ATF7IP: variants seen among roughly 807,000 people sequenced by gnomAD.
The protein encoded by ATF7IP is activating transcription factor 7-interacting protein 1.
ATF7IP carries 23 observed loss-of-function variants against 106.4 expected under a neutral mutation model. The ratio of observed to expected loss-of-function variants is 0.22; its 90% CI spans 0.16 to 0.31. The LOEUF (loss-of-function observed/expected upper bound fraction) is 0.31, where lower values mean the gene tolerates loss of function less well. Among genes scored for constraint, ATF7IP ranks in the 10% least tolerant of loss-of-function variants. ATF7IP has a pLI of 1.00. For missense variants in ATF7IP, 1,334 were observed against 1,524.3 expected (o/e 0.88, Z 2.08); for synonymous variants, 542 against 539.0 (o/e 1.01, Z -0.08).
chr12:14,381,492 G>A (rs11055956), intron 1 of ATF7IP, among the ~76,000 whole-genome samples: 82,329 of 151,982 alleles, frequency 0.54, 22,739 homozygotes, highest in African/African-American at 0.65. Context: ...TGGCCTCCCA[G>A]AGTGTAGGGA....
chr12:14,421,605 C>T (rs924482001), intron 1 of ATF7IP, among the ~76,000 whole-genome samples: 3 of 152,194 alleles, frequency 2.0e-5, no homozygotes, highest in Admixed American at 2.0e-4. Flanking sequence ...GATTAGGGCT[C>T]ACTTTAGTAC....
At chr12:14,463,679 A>G (rs1943722188) in intron 9 of ATF7IP, among the ~76,000 whole-genome samples, 1 of 152,210 alleles carries the variant, frequency 6.6e-6, no homozygotes, top group Admixed American at 6.5e-5. Context: ...CCCTGGTTAC[A>G]GTATGGAGAA....
At chr12:14,383,842 G>T (rs779347735) in intron 1 of ATF7IP, among the ~76,000 whole-genome samples, 2 of 152,190 alleles carry the variant, frequency 1.3e-5, no homozygotes, top group African/African-American at 2.4e-5. Context: ...GATTATAGGT[G>T]TGAAGCACTG....
chr12:14,497,738 C>T lies in ATF7IP; in HGVS notation c.3478C>T (p.Leu1160=), dbSNP rs750395277. 1 of 1,614,174 alleles carries T rather than the reference C, an allele frequency of 6.2e-7. No homozygotes were observed. Among genetic ancestry groups the T allele is most frequent in the Non-Finnish European group, 8.5e-7 (1 of 1,180,036 alleles). Reference sequence around the variant, plus strand: ...GCCCCCAGAAGCTGCCAGCACATCTCTGCCTCAGAAGCCACACTTGAAGTT... The same window carrying T: ...GCCCCCAGAAGCTGCCAGCACATCTTTGCCTCAGAAGCCACACTTGAAGTT... ...RLPPEAASTS[L]PQKPHLKLAR... is the part of the protein sequence containing the mutation. Residue 1160 remains leucine, a synonymous_variant, in exon 15 of 15, where the codon CTG becomes TTG. Transcript: ENST00000261168.
chr12:14,380,632 AT>A (rs1205725970), intron 1 of ATF7IP, among the ~76,000 whole-genome samples: 2 of 151,812 alleles, frequency 1.3e-5, no homozygotes, highest in Admixed American at 1.3e-4. Flanking sequence ...TTTTTATTTT[AT>A]TTTTTTTAAG....
intron 1 of ATF7IP, chr12:14,420,081 A>G (rs1431711772): frequency 6.6e-6 from 1 of 152,170 alleles, no homozygotes; most frequent in Non-Finnish European, 1.5e-5. Flanking sequence ...TAGGTTTACT[A>G]TTTGCTGCAG....
At chr12:14,453,111 G>T (rs928987564) in intron 6 of ATF7IP, among the ~76,000 whole-genome samples, 1 of 152,076 alleles carries the variant, frequency 6.6e-6, no homozygotes, top group South Asian at 2.1e-4. Context: ...GTTATGAGTT[G>T]CTTTTCTCTT....
intron 10 of ATF7IP, among the ~76,000 whole-genome samples, chr12:14,474,994 G>A (rs533043080): frequency 1.3e-5 from 2 of 152,238 alleles, no homozygotes; most frequent in Non-Finnish European, 2.9e-5. Context: ...ATTGTCTTGG[G>A]ATTGGGCCTG....
At chr12:14,432,596 C>T (rs556200375) in intron 2 of ATF7IP, among the ~76,000 whole-genome samples, 5 of 152,210 alleles carry the variant, frequency 3.3e-5, no homozygotes, top group African/African-American at 1.2e-4. Flanking sequence ...GAAAAAAATA[C>T]TTCTAGCGCC....
intron 1 of ATF7IP, among the ~76,000 whole-genome samples, chr12:14,422,554 A>G (rs1941591494): frequency 6.6e-6 from 1 of 151,976 alleles, no homozygotes. Context: ...GCTACTCCTC[A>G]TTTTCTCCAG....
At chr12:14,467,063 A>G (rs1840114776) in intron 10 of ATF7IP, among the ~76,000 whole-genome samples, 1 of 152,014 alleles carries the variant, frequency 6.6e-6, no homozygotes, top group Non-Finnish European at 1.5e-5. Flanking sequence ...GTTTACTAGC[A>G]CTTTGCCAGT....
intron 10 of ATF7IP, among the ~76,000 whole-genome samples, chr12:14,471,640 A>C (rs4237951): frequency 0.42 from 63,874 of 151,882 alleles, 13,633 homozygotes; most frequent in Admixed American, 0.51. Flanking sequence ...GGAAGCAAAC[A>C]TGTCCTTCTT....
At position 14,393,423 on chromosome 12, in the gene ATF7IP, A is replaced by G. The variant is rs147170558; in HGVS notation, c.-8+27596A>G. ...TTTATGCATGAAATTGTATCATTAT[A>G]TTTGTCCCTATCACTTCATCTGCTG... is the stretch of plus-strand genomic sequence containing the variant. On this transcript the variant is annotated intron_variant, in intron 1 of 14. Coordinates refer to ENST00000261168, the MANE Select transcript of ATF7IP (RefSeq NM_018179.5). Among the ~76,000 whole-genome samples the G allele has an allele frequency of 8.9e-3, 1,360 of 152,216 alleles. 13 individuals carry two copies. Among genetic ancestry groups the G allele is most frequent in the African/African-American group, 0.026 (1,089 of 41,552 alleles).
At chr12:14,370,235 C>T (rs1203977668) in intron 1 of ATF7IP, among the ~76,000 whole-genome samples, 1 of 152,108 alleles carries the variant, frequency 6.6e-6, no homozygotes. Context: ...TGCGCCTGGC[C>T]TCCTATGTGC....
chr12:14,428,035 G>A (rs1452423253), intron 2 of ATF7IP, among the ~76,000 whole-genome samples: 1 of 152,136 alleles, frequency 6.6e-6, no homozygotes, highest in Admixed American at 6.5e-5. Flanking sequence ...ATTTTGGAAA[G>A]GTAATAGGTG....
chr12:14,404,823 A>T (rs1940467704), intron 1 of ATF7IP, among the ~76,000 whole-genome samples: 1 of 137,208 alleles, frequency 7.3e-6, no homozygotes. Context: ...ATGGATGGAG[A>T]CCACTGGCTT....
rs567434236 is a variant in ATF7IP, at chr12:14,469,163, G to A, written c.2862+2573G>A. On this transcript the variant is annotated intron_variant, in intron 10 of 14. Transcript: ENST00000261168. Reference sequence around the variant, plus strand: ...AGACGGGCAGATCACTTGAGGTCAGGAGTTCGAGACCAGGCTGGCCAACAT... The same window carrying A: ...AGACGGGCAGATCACTTGAGGTCAGAAGTTCGAGACCAGGCTGGCCAACAT... Among the ~76,000 whole-genome samples the A allele has an allele frequency of 2.3e-4, 35 of 152,164 alleles. No individual in the cohort carries two copies. The East Asian group carries it at 6.6e-3, about 29-fold the overall frequency.
intron 1 of ATF7IP, among the ~76,000 whole-genome samples, chr12:14,396,418 T>G (rs1238253243): frequency 6.6e-6 from 1 of 152,100 alleles, no homozygotes; most frequent in Non-Finnish European, 1.5e-5. Context: ...TGTTGCCTTT[T>G]GACAGTGTTG....
At chr12:14,409,578 C>T (rs778503148) in intron 1 of ATF7IP, among the ~76,000 whole-genome samples, 5 of 151,966 alleles carry the variant, frequency 3.3e-5, no homozygotes, top group Non-Finnish European at 5.9e-5. Flanking sequence ...AAATATCTTG[C>T]GTGAGTATTT....
Sources: allele counts gnomAD v4.1 joint callset (sites outside exome capture counted in the v4.1 genomes callset), GRCh38; gene constraint gnomAD v4.1.1; transcripts MANE v1.5; gene names NCBI Gene and HGNC (gene_info 2026-07-23, HGNC 2026-07-21).